The following CNTNAP2 variants were observed in gnomAD, a reference collection of about 807,000 sequenced individuals.
CNTNAP2 encodes the protein contactin-associated protein-like 2.
CNTNAP2 carries 98 observed loss-of-function variants against 155.2 expected under a neutral mutation model. The ratio of observed to expected loss-of-function variants is 0.63; its 90% CI spans 0.54 to 0.75. The LOEUF is 0.75. Among genes scored for constraint, CNTNAP2 ranks in the 30% least tolerant of loss-of-function variants. The pLI is 0.00. For synonymous variants in CNTNAP2, 651 were observed against 631.2 expected (o/e 1.03, Z -0.47); for missense variants, 1,727 against 1,688.1 (o/e 1.02, Z -0.40).
At chr7:147,833,708 C>A (rs1329793585) in intron 13 of CNTNAP2, among the ~76,000 whole-genome samples, 2 of 152,198 alleles carry the variant, frequency 1.3e-5, no homozygotes, top group East Asian at 1.9e-4. Context: ...CAGGCCACTG[C>A]CCCAATACAC....
chr7:147,128,627 T>A, intron 6 of CNTNAP2, 66 bp from the exon 7 acceptor site: 1 of 1,579,564 alleles, frequency 6.3e-7, no homozygotes, highest in Non-Finnish European at 8.7e-7. Flanking sequence ...TTCACTGTAT[T>A]CATAGTTTTG....
In CNTNAP2 at chr7:147,488,558, A is replaced by ATT. The variant is rs1279429904; in HGVS notation, c.1777+2517_1777+2518insTT. On this transcript the variant is annotated intron_variant, in intron 11 of 23. Coordinates refer to ENST00000361727, the MANE Select transcript of CNTNAP2 (RefSeq NM_014141.6). ...TATTTTAAATAGTATTTTTTTTTAA[A>ATT]AAAAGCAGCTAACTAAGAGCTAAAG... Among the ~76,000 whole-genome samples, 6 of 144,596 alleles carry ATT rather than the reference A, an allele frequency of 4.1e-5. No homozygotes were observed. In the East Asian group the frequency reaches 8.2e-4, roughly 20 times the overall value. 94.9% of individuals were successfully genotyped at this position (144,596 alleles called of 152,430 possible). A position where few individuals can be genotyped will look rare whatever the true frequency, so the allele number is the denominator to read the frequency against.
At chr7:146,641,969 A>G (rs923827494) in intron 1 of CNTNAP2, among the ~76,000 whole-genome samples, 2 of 152,154 alleles carry the variant, frequency 1.3e-5, no homozygotes, top group Non-Finnish European at 2.9e-5. Flanking sequence ...TTTGTAAATG[A>G]GAACATTCAA....
At chr7:147,764,099 A>C (rs1310135851) in intron 13 of CNTNAP2, among the ~76,000 whole-genome samples, 1 of 151,748 alleles carries the variant, frequency 6.6e-6, no homozygotes, top group African/African-American at 2.4e-5. Context: ...TTGTTCTCAA[A>C]TCTCTATCTC....
intron 15 of CNTNAP2, among the ~76,000 whole-genome samples, chr7:148,111,268 C>T (rs1332336183): frequency 6.6e-6 from 1 of 152,038 alleles, no homozygotes; most frequent in Non-Finnish European, 1.5e-5. Flanking sequence ...TGGGAAGAAA[C>T]AGAGGCGACA....
rs571096996 is a variant in CNTNAP2 at position 147,230,004 on chromosome 7, G to A, written c.1349-70137G>A. Among the ~76,000 whole-genome samples, 28 of 152,084 alleles carry A rather than the reference G, an allele frequency of 1.8e-4. No individual in the cohort carries two copies. In the South Asian group the frequency reaches 5.4e-3, roughly 29 times the overall value. On this transcript the variant is annotated intron_variant, in intron 8 of 23. Transcript: ENST00000361727. The stretch of plus-strand genomic sequence containing the variant: ...CAAACTACGAGTTTCCAATCTTTAA[G>A]CAAAAATATAGTTACTAAAATGTTG...
chr7:147,872,023 G>A (rs1043874394), intron 13 of CNTNAP2, among the ~76,000 whole-genome samples: 1 of 152,146 alleles, frequency 6.6e-6, no homozygotes, highest in Non-Finnish European at 1.5e-5. Context: ...TCCCTAGCAG[G>A]AAAAAGCCAG....
At chr7:147,357,222 C>A (rs2116889334) in intron 9 of CNTNAP2, among the ~76,000 whole-genome samples, 1 of 152,224 alleles carries the variant, frequency 6.6e-6, no homozygotes, top group African/African-American at 2.4e-5. Flanking sequence ...AATCTGACTA[C>A]AGGGACTTTT....
intron 8 of CNTNAP2, among the ~76,000 whole-genome samples, chr7:147,252,197 T>C (rs909115360): frequency 7.2e-5 from 11 of 152,292 alleles, no homozygotes; most frequent in African/African-American, 2.2e-4. Flanking sequence ...GGTCATACAA[T>C]GAAGAATTGT....
At position 147,968,016 on chromosome 7, in the gene CNTNAP2, G is replaced by A. The variant is rs140441563; in HGVS notation, c.2256-9846G>A. On this transcript the variant is annotated intron_variant, in intron 14 of 23. Coordinates refer to ENST00000361727, the MANE Select transcript of CNTNAP2 (RefSeq NM_014141.6). ...ATTGATAGTTAAGTACATACGGGTAGCTATTTTAGAGCTGCGCCTAGTTAA... is the reference window on the plus strand; with the variant it reads ...ATTGATAGTTAAGTACATACGGGTAACTATTTTAGAGCTGCGCCTAGTTAA... Among the ~76,000 whole-genome samples, 748 of 152,210 alleles carry A rather than the reference G, an allele frequency of 4.9e-3. 8 individuals are homozygous for A. The highest frequency in any genetic ancestry group is 0.017 in the African/African-American group (724 of 41,520).
chr7:147,224,522 C>T (rs1803477891), intron 8 of CNTNAP2, among the ~76,000 whole-genome samples: 1 of 152,074 alleles, frequency 6.6e-6, no homozygotes, highest in African/African-American at 2.4e-5. Context: ...ACACTTTCTA[C>T]CCTTCTTGAC....
chr7:146,834,431 C>A (rs565170878), intron 2 of CNTNAP2, among the ~76,000 whole-genome samples: 1 of 151,490 alleles, frequency 6.6e-6, no homozygotes, highest in African/African-American at 2.4e-5. Context: ...ACTACACACA[C>A]GCAAATACAC....
At chr7:146,691,851 G>T (rs1494445) in intron 1 of CNTNAP2, among the ~76,000 whole-genome samples, 6 of 151,998 alleles carry the variant, frequency 3.9e-5, no homozygotes, top group African/African-American at 1.5e-4. Flanking sequence ...GTTCAGAGAT[G>T]TATAAAATGG....
chr7:148,320,735 G>A (rs4726951), intron 21 of CNTNAP2, among the ~76,000 whole-genome samples: 11,416 of 152,134 alleles, frequency 0.075, 563 homozygotes, highest in Non-Finnish European at 0.12. Flanking sequence ...GCTAGACCCT[G>A]TGGTGACAAC....
chr7:148,010,404 T>C (rs1303758203), intron 15 of CNTNAP2, among the ~76,000 whole-genome samples: 4 of 151,954 alleles, frequency 2.6e-5, no homozygotes, highest in African/African-American at 9.7e-5. Flanking sequence ...GGTTTATGTT[T>C]TGTGTCTTAT....
chr7:148,135,057 A>G (rs1563210646), intron 16 of CNTNAP2, among the ~76,000 whole-genome samples: 1 of 151,856 alleles, frequency 6.6e-6, no homozygotes, highest in Non-Finnish European at 1.5e-5. Context: ...TTTTTTTTTC[A>G]ACTGAGAACA....
chr7:148,231,162 C>T (rs1048098147), intron 20 of CNTNAP2, among the ~76,000 whole-genome samples: 7 of 152,106 alleles, frequency 4.6e-5, no homozygotes, highest in Admixed American at 1.3e-4. Flanking sequence ...GCCATAGAAT[C>T]GTATACAGTT....
intron 9 of CNTNAP2, among the ~76,000 whole-genome samples, chr7:147,393,790 T>G (rs1281951355): frequency 7.9e-5 from 12 of 151,962 alleles, no homozygotes; most frequent in Admixed American, 7.9e-4. Context: ...TTTTTTTAAG[T>G]CAAGAAGTTA....
chr7:147,299,415 T>C (rs1195095210), intron 8 of CNTNAP2, among the ~76,000 whole-genome samples: 1 of 148,576 alleles, frequency 6.7e-6, no homozygotes, highest in Non-Finnish European at 1.5e-5. Context: ...GGGATATGCA[T>C]TCTTGATTTA....
Sources: gnomAD v4.1 joint callset for allele counts (sites outside exome capture counted in the v4.1 genomes callset) on GRCh38, gnomAD v4.1.1 for gene constraint, MANE v1.5 for transcripts, NCBI Gene and HGNC (gene_info 2026-07-23, HGNC 2026-07-21) for gene names.